The following PCNT variants were observed in gnomAD, a reference collection of about 807,000 sequenced individuals.
The protein encoded by PCNT is pericentrin.
In PCNT, 319 loss-of-function variants were observed where a neutral mutation model predicts 380.4. That is an observed-to-expected ratio of 0.84 (90% confidence interval 0.77 to 0.92). The LOEUF (loss-of-function observed/expected upper bound fraction) is 0.92, where lower values mean the gene tolerates loss of function less well. PCNT is among the 40% of genes least tolerant of loss of function. The pLI is 0.00. For synonymous variants in PCNT, 1,845 were observed against 1,735.2 expected (o/e 1.06, Z -1.57); for missense variants, 4,400 against 4,255.3 (o/e 1.03, Z -0.95).
intron 32 of PCNT, among the ~76,000 whole-genome samples, chr21:46,422,462 G>A (rs535185556): frequency 9.8e-5 from 14 of 143,510 alleles, no homozygotes; most frequent in African/African-American, 4.1e-4. Flanking sequence ...TAGAGAAGCC[G>A]AGGCACCAGA....
At chr21:46,346,246 C>A in intron 4 of PCNT, 38 bp downstream of exon 4, 1 of 1,416,944 alleles carries the variant, frequency 7.1e-7, no homozygotes. Context: ...ACAGCATGGG[C>A]TCTGTTATCC....
At chr21:46,381,932 T>C (rs924148705) in intron 16 of PCNT, 92 bp downstream of exon 16, 3 of 1,351,550 alleles carry the variant, frequency 2.2e-6, no homozygotes, top group Non-Finnish European at 3.2e-6. Context: ...GTGGCAGGAG[T>C]GCACTCATGG....
rs189269647 is a variant in PCNT at position 46,365,825 on chromosome 21, C to T, written c.2610-759C>T. Among the ~76,000 whole-genome samples the T allele has an allele frequency of 1.4e-4, 21 of 144,856 alleles. No individual in the cohort carries two copies. The East Asian group carries it at 1.9e-3, about 13-fold the overall frequency. ...ACTGCCATGGGGTTCTATTCACTGC[C>T]GTGGGGTTCCGTTCACTGCCACAGG... On this transcript the variant is annotated intron_variant, in intron 14 of 46. Transcript: ENST00000359568.
intron 15 of PCNT, among the ~76,000 whole-genome samples, chr21:46,375,167 C>A (rs113536118): frequency 1.7e-4 from 26 of 152,264 alleles, no homozygotes; most frequent in African/African-American, 6.3e-4. Context: ...CCTGCCCTGC[C>A]CTGCCCCGCC....
At position 46,429,978 on chromosome 21, in the gene PCNT, G is replaced by A. The variant is rs765943639; in HGVS notation, c.7691-32G>A. 21 of 1,575,946 alleles carry A rather than the reference G, an allele frequency of 1.3e-5. No homozygotes were observed. In the Middle Eastern group the frequency reaches 5.1e-4, roughly 38 times the overall value. On this transcript the variant is annotated intron_variant, in intron 35 of 46. Transcript: ENST00000359568. ...ACTTGTGCAGCACGAGGAGCTCATG[G>A]GGGCCTGTTACTGTTCTTTTGTCTT...
Position 46,347,021 on chromosome 21 carries a change from C to T in PCNT, c.976+23C>T, listed in dbSNP as rs1210482682. ...CAGGTACTGCATGGCTAGGCGGGCACGGGCAGCGTGTGGGCTCGGTGTGGG... is the reference window on the plus strand; with the variant it reads ...CAGGTACTGCATGGCTAGGCGGGCATGGGCAGCGTGTGGGCTCGGTGTGGG... On this transcript the variant is annotated intron_variant, in intron 5 of 46. Coordinates refer to ENST00000359568, the MANE Select transcript of PCNT (RefSeq NM_006031.6). 7.6e-6 allele frequency: 12 copies of T among 1,585,862 alleles called. No individual in the cohort carries two copies. In the Admixed American group the frequency reaches 1.5e-4, roughly 20 times the overall value.
chr21:46,354,163 C>T, intron 11 of PCNT, 95 bp downstream of exon 11: 1 of 1,122,072 alleles, frequency 8.9e-7, no homozygotes, highest in South Asian at 1.3e-5. Flanking sequence ...TTCCGTCCTT[C>T]CCACCTTGTC....
chr21:46,416,649 T>C lies in PCNT; in HGVS notation c.6731T>C (p.Val2244Ala). The change falls in exon 30 of 47, where the codon GTG (valine) becomes GCG (alanine). Residue 2244 changes from valine (V) to alanine (A), a missense_variant. By Grantham distance (64) the Val-to-Ala change is moderately conservative. Transcript: ENST00000359568. ...WTLEPWPSLP[V>A]TPHSGALSLC... ...CTGGAGCCCTGGCCCAGCCTCCCCG[T>C]GACACCCCACTCAGGAGCCCTGAGC... The C allele has an allele frequency of 1.3e-6, 2 of 1,565,818 alleles. No individual in the cohort carries two copies. The highest frequency in any genetic ancestry group is 1.7e-6 in the Non-Finnish European group (2 of 1,157,586).
In PCNT at chr21:46,440,895, T is replaced by G; in HGVS notation, c.9434T>G (p.Phe3145Cys). The stretch of plus-strand genomic sequence containing the variant: ...CTGCATTACTTGAGAGCAGAGAGCT[T>G]TAGAAAAGCTCTGATTTATCAAAAG... ...LYLHYLRAES[F>C]RKALIYQKKY... Residue 3145 changes from phenylalanine (F) to cysteine (C), a missense_variant, in exon 43 of 47, where the codon TTT becomes TGT. By Grantham distance (205) the Phe-to-Cys change is radical (BLOSUM62 -2). Coordinates refer to ENST00000359568, the MANE Select transcript of PCNT (RefSeq NM_006031.6). 6.2e-7 allele frequency: 1 copy of G among 1,613,526 alleles called. No individual in the cohort carries two copies. Among genetic ancestry groups the G allele is most frequent in the Non-Finnish European group, 8.5e-7 (1 of 1,179,394 alleles).
rs143796569 is a variant in PCNT, at chr21:46,397,402, G to A, written c.4354G>A (p.Gly1452Arg). ...ELEEQLSQHRGCAKQAEAVTA... is the reference protein window; with the variant it reads ...ELEEQLSQHRRCAKQAEAVTA... ...AGAAGAACAGCTGTCTCAGCATCGC[G>A]GGTGTGCCAAGCAGGCGGAGGCCGT... The change falls in exon 22 of 47, where the codon GGG (glycine) becomes AGG (arginine). Residue 1452 changes from glycine (G) to arginine (R), a missense_variant. Transcript: ENST00000359568. The A allele has an allele frequency of 3.2e-3, 5,154 of 1,614,170 alleles. 27 individuals are homozygous for A. Among genetic ancestry groups the A allele is most frequent in the South Asian group, 0.013 (1,174 of 91,078 alleles).
chr21:46,383,912 A>G, intron 16 of PCNT, among the ~76,000 whole-genome samples: 1 of 144,956 alleles, frequency 6.9e-6, no homozygotes, highest in South Asian at 2.4e-4. Flanking sequence ...AAGCGCATTC[A>G]CAGTGTTGTG....
chr21:46,363,849 G>A lies in PCNT; in HGVS notation c.2524G>A (p.Glu842Lys), dbSNP rs1291503523. The change falls in exon 14 of 47, where the codon GAG becomes AAG. Residue 842 changes from glutamate to lysine, a missense_variant. Coordinates refer to ENST00000359568, the MANE Select transcript of PCNT (RefSeq NM_006031.6). ...CCTGCATTGCAGCCAGTGTGGGCGG[G>A]AGCCGCCCACAGCCCAGGACGGGGA... Reference protein sequence around the residue: ...DALHCSQCGREPPTAQDGELA... With the variant: ...DALHCSQCGRKPPTAQDGELA... 4 of 1,611,990 alleles carry A rather than the reference G, an allele frequency of 2.5e-6. No individual in the cohort carries two copies. In the South Asian group the frequency reaches 4.4e-5, roughly 18 times the overall value.
Position 46,411,499 on chromosome 21 carries a change from A to G in PCNT, c.5426A>G (p.Gln1809Arg). 6.2e-7 allele frequency: 1 copy of G among 1,609,460 alleles called. No individual in the cohort carries two copies. The highest frequency in any genetic ancestry group is 8.5e-7 in the Non-Finnish European group (1 of 1,178,500). The change falls in exon 28 of 47, where the codon CAG becomes CGG. Residue 1809 changes from glutamine (Q) to arginine (R), a missense_variant. Physicochemically the swap from Gln to Arg is conservative, Grantham distance 43. Transcript: ENST00000359568. The part of the protein sequence containing the change: ...KEALSRLLAD[Q>R]ERRHSQALEA... Reference sequence around the variant, plus strand: ...GCCCTGAGCCGGCTGCTGGCTGACCAGGAGCGCAGGCACAGCCAGGCCCTG... The same window carrying G: ...GCCCTGAGCCGGCTGCTGGCTGACCGGGAGCGCAGGCACAGCCAGGCCCTG...
At chr21:46,422,894 G>T (rs781203779) in intron 32 of PCNT, among the ~76,000 whole-genome samples, 37 of 152,168 alleles carry the variant, frequency 2.4e-4, no homozygotes, top group Non-Finnish European at 7.3e-5. Flanking sequence ...AAAAGTCGCG[G>T]TTTCCAAAAC....
Position 46,388,896 on chromosome 21 carries a change from G to A in PCNT, c.3607+12G>A, listed in dbSNP as rs750787900. 119 of 1,587,354 alleles carry A rather than the reference G, an allele frequency of 7.5e-5. No individual in the cohort carries two copies. Among genetic ancestry groups the A allele is most frequent in the Non-Finnish European group, 9.1e-5 (107 of 1,172,732 alleles). ...GGCCCTGTCGACAGGTGAGTGTGCC[G>A]GGACCAGCTGCCCAGCCCTGTGCTT... On this transcript the variant is annotated intron_variant, in intron 18 of 46. Coordinates refer to ENST00000359568, the MANE Select transcript of PCNT (RefSeq NM_006031.6). The surrounding 1 kb of genome is among the most constrained non-coding windows in gnomAD (Gnocchi z 4.2).
In PCNT at chr21:46,398,040, G is replaced by A. The variant is rs1234188271; in HGVS notation, c.4473G>A (p.Glu1491=). 1.3e-6 allele frequency: 2 copies of A among 1,592,212 alleles called. No individual in the cohort carries two copies. The highest frequency in any genetic ancestry group is 4.6e-5 in the East Asian group (2 of 43,938). The change falls in exon 23 of 47, where the codon GAG becomes GAA. Residue 1491 remains glutamate, a synonymous_variant. Transcript: ENST00000359568. ...MDEQAAEREH[E]REEFQQEIQR... ...AGCAGGCAGCCGAGCGGGAGCACGA[G>A]CGCGAGGAGTTCCAGCAGGAGATTC... is the stretch of plus-strand genomic sequence containing the variant.
At chr21:46,333,131 C>A (rs2083609475) in intron 2 of PCNT, among the ~76,000 whole-genome samples, 1 of 150,998 alleles carries the variant, frequency 6.6e-6, no homozygotes, top group Non-Finnish European at 1.5e-5. Flanking sequence ...AATTAAATTT[C>A]TTTTTTAAAG....
chr21:46,436,870 C>A, intron 39 of PCNT, 109 bp from the exon 40 acceptor site: 2 of 822,354 alleles, frequency 2.4e-6, no homozygotes, highest in Non-Finnish European at 4.2e-6. Context: ...CACACACAGG[C>A]TCCTCAGAAA....
rs543393474 is a variant in PCNT, at chr21:46,357,818, G to A, written c.2154+627G>A. Among the ~76,000 whole-genome samples, 247 of 152,332 alleles carry A rather than the reference G, an allele frequency of 1.6e-3. 1 individual carries two copies. Among genetic ancestry groups the A allele is most frequent in the African/African-American group, 5.7e-3 (236 of 41,584 alleles). On this transcript the variant is annotated intron_variant, in intron 13 of 46. Coordinates refer to ENST00000359568, the MANE Select transcript of PCNT (RefSeq NM_006031.6). ...AAGCCCGGGTGCCAAGCACGTGGCT[G>A]GCCTCTGATGCTCACCCCAAGTCTT...
Sources: gnomAD v4.1 joint callset for allele counts (sites outside exome capture counted in the v4.1 genomes callset) on GRCh38, gnomAD v4.1.1 for gene constraint, Gnocchi (gnomAD v3.1) non-coding constraint, MANE v1.5 for transcripts, NCBI Gene and HGNC (gene_info 2026-07-23, HGNC 2026-07-21) for gene names.